SMAD3: variants seen among roughly 807,000 people sequenced by gnomAD.
SMAD3 encodes the protein MAD homolog 3.
SMAD3 carries 12 observed loss-of-function variants against 51.8 expected under a neutral mutation model. The ratio of observed to expected loss-of-function variants is 0.23; its 90% confidence interval spans 0.15 to 0.38. The LOEUF is 0.38. SMAD3 is among the 10% of genes least tolerant of loss of function. The pLI is 1.00. For synonymous variants in SMAD3, 238 were observed against 227.7 expected (o/e 1.05, Z -0.41); for missense variants, 294 against 565.6 (o/e 0.52, Z 4.87).
At chr15:67,156,102 A>C (rs1268305352) in intron 1 of SMAD3, among the ~76,000 whole-genome samples, 3 of 152,172 alleles carry the variant, frequency 2.0e-5, no homozygotes, top group Non-Finnish European at 2.9e-5. Flanking sequence ...GCAGATGGGC[A>C]TATATCTGCT....
At chr15:67,085,976 T>G (rs1471995108) in intron 1 of SMAD3, among the ~76,000 whole-genome samples, 1 of 151,956 alleles carries the variant, frequency 6.6e-6, no homozygotes, top group Non-Finnish European at 1.5e-5. Context: ...GTAGTTGCCC[T>G]GAGGTTTGGA....
intron 1 of SMAD3, among the ~76,000 whole-genome samples, chr15:67,159,985 G>A (rs1386193433): frequency 6.6e-6 from 1 of 152,178 alleles, no homozygotes; most frequent in African/African-American, 2.4e-5. Context: ...TTGGACATAG[G>A]CTTTTATTTC....
chr15:67,081,685 T>TG, intron 1 of SMAD3, among the ~76,000 whole-genome samples: 1 of 152,294 alleles, frequency 6.6e-6, no homozygotes, highest in Non-Finnish European at 1.5e-5. Context: ...CCACAACTGT[T>TG]GCAGATATTA....
intron 1 of SMAD3, among the ~76,000 whole-genome samples, chr15:67,066,626 C>T (rs1204730369): frequency 6.6e-6 from 1 of 152,224 alleles, no homozygotes; most frequent in Non-Finnish European, 1.5e-5. Context: ...CTTTCCACCT[C>T]CGGGAGGGGA....
chr15:67,145,439 A>G (rs1312143520), intron 1 of SMAD3, among the ~76,000 whole-genome samples: 1 of 152,254 alleles, frequency 6.6e-6, no homozygotes, highest in Non-Finnish European at 1.5e-5. Flanking sequence ...TTTAAAAAAC[A>G]AAAACAAAAA....
intron 7 of SMAD3, among the ~76,000 whole-genome samples, chr15:67,186,238 G>T (rs752245364): frequency 6.6e-6 from 1 of 152,214 alleles, no homozygotes; most frequent in African/African-American, 2.4e-5. Flanking sequence ...GGCTCTGCTG[G>T]GGGTCAGGGC....
chr15:67,177,273 C>T (rs1962926393), intron 5 of SMAD3, among the ~76,000 whole-genome samples: 2 of 152,148 alleles, frequency 1.3e-5, no homozygotes, highest in African/African-American at 2.4e-5. Flanking sequence ...AAGCTCAGAG[C>T]CAAACTGGAT....
rs1178366002 is a variant in SMAD3, at chr15:67,194,685, G to A, written c.*4149G>A. 4.3e-6 allele frequency: 1 copy of A among 232,098 alleles called. No individual in the cohort carries two copies. Among genetic ancestry groups the A allele is most frequent in the Admixed American group, 5.6e-5 (1 of 17,740 alleles). The allele number at this position is 232,098 out of a possible 1,614,324, so 14.4% of individuals were successfully genotyped here. On this transcript the variant is annotated 3_prime_UTR_variant, in exon 9 of 9. Transcript: ENST00000327367. ...AGCCAGTTCTGAATGTTGGTGGAGG[G>A]TGTAGTGGCTTTTTGGCTCAGCATC...
At chr15:67,155,729 C>G (rs1390474828) in intron 1 of SMAD3, among the ~76,000 whole-genome samples, 1 of 152,138 alleles carries the variant, frequency 6.6e-6, no homozygotes, top group African/African-American at 2.4e-5. Flanking sequence ...TGGCTCACGC[C>G]TGTAATCCCA....
chr15:67,117,671 C>G (rs1222418630), intron 1 of SMAD3, among the ~76,000 whole-genome samples: 1 of 152,164 alleles, frequency 6.6e-6, no homozygotes, highest in Non-Finnish European at 1.5e-5. Flanking sequence ...TTCAAACTTT[C>G]TTTATAGAGA....
intron 1 of SMAD3, among the ~76,000 whole-genome samples, chr15:67,074,508 A>G (rs1405315608): frequency 6.6e-6 from 1 of 152,228 alleles, no homozygotes; most frequent in Non-Finnish European, 1.5e-5. Flanking sequence ...GGCAGCGTGG[A>G]TGTTGCAAGT....
At chr15:67,148,730 G>A (rs1184523839) in intron 1 of SMAD3, among the ~76,000 whole-genome samples, 4 of 152,158 alleles carry the variant, frequency 2.6e-5, no homozygotes, top group Admixed American at 1.3e-4. Context: ...CTTCTTGATC[G>A]GGTTCACAAG....
At position 67,192,445 on chromosome 15, in the gene SMAD3, T is replaced by C. The variant is rs1415140376; in HGVS notation, c.*1909T>C. ...ATGCTGTGAGTCTGAAGTATGTGCCTGGTGTGAAATGATCTATGGCCTGTT... is the reference window on the plus strand; with the variant it reads ...ATGCTGTGAGTCTGAAGTATGTGCCCGGTGTGAAATGATCTATGGCCTGTT... On this transcript the variant is annotated 3_prime_UTR_variant, in exon 9 of 9. Coordinates refer to ENST00000327367, the MANE Select transcript of SMAD3 (RefSeq NM_005902.4). The C allele has an allele frequency of 1.7e-5, 4 of 233,428 alleles. No individual in the cohort carries two copies. The highest frequency in any genetic ancestry group is 5.6e-5 in the Admixed American group (1 of 17,790). 14.5% of individuals were successfully genotyped at this position (233,428 alleles called of 1,614,324 possible). A position where few individuals can be genotyped will look rare whatever the true frequency, so the allele number is the denominator to read the frequency against.
chr15:67,166,074 TG>T, intron 3 of SMAD3: 1 of 564,426 alleles, frequency 1.8e-6, no homozygotes, highest in Non-Finnish European at 2.3e-6. Context: ...ACGTTCATCC[TG>T]GGTTAGTTTA....
chr15:67,089,598 G>A (rs116542540), intron 1 of SMAD3, among the ~76,000 whole-genome samples: 2,250 of 152,280 alleles, frequency 0.015, 49 homozygotes, highest in African/African-American at 0.046. Context: ...AGAAAAAAAT[G>A]CCCATGGGGA....
At chr15:67,082,170 C>T (rs192591801) in intron 1 of SMAD3, among the ~76,000 whole-genome samples, 1 of 152,050 alleles carries the variant, frequency 6.6e-6, no homozygotes, top group Admixed American at 6.5e-5. Context: ...TGGAGTATCT[C>T]CTGAGTAGAT....
In SMAD3 at chr15:67,084,242, AT is replaced by A. The variant is rs1400428923; in HGVS notation, c.206+17894del. Among the ~76,000 whole-genome samples the A allele has an allele frequency of 2.6e-3, 372 of 142,226 alleles. 2 individuals are homozygous for A. Among genetic ancestry groups the A allele is most frequent in the South Asian group, 0.014 (62 of 4,420 alleles). The allele number at this position is 142,226 out of a possible 152,430, so 93.3% of individuals were successfully genotyped here. A position where few individuals can be genotyped will look rare whatever the true frequency, so the allele number is the denominator to read the frequency against. On this transcript the variant is annotated intron_variant, in intron 1 of 8. Transcript: ENST00000327367. ...AGGCGTCTGCCACCACACCTGGCTA[AT>A]TTTTTTTTTTTGTATTTTTAGTAGA...
At chr15:67,074,529 A>G (rs1300867798) in intron 1 of SMAD3, among the ~76,000 whole-genome samples, 1 of 152,222 alleles carries the variant, frequency 6.6e-6, no homozygotes, top group African/African-American at 2.4e-5. Context: ...TTAAACCCCA[A>G]CTAGGAAATG....
At chr15:67,069,581 T>C (rs764349747) in intron 1 of SMAD3, among the ~76,000 whole-genome samples, 3 of 152,160 alleles carry the variant, frequency 2.0e-5, no homozygotes, top group South Asian at 4.1e-4. Flanking sequence ...TAGACCAAGC[T>C]TAAAGCATTG....
Sources: allele counts gnomAD v4.1 joint callset (sites outside exome capture counted in the v4.1 genomes callset), GRCh38; gene constraint gnomAD v4.1.1; transcripts MANE v1.5; gene names NCBI Gene and HGNC (gene_info 2026-07-23, HGNC 2026-07-21).